The following NIM1K variants were observed in gnomAD, a reference collection of about 807,000 sequenced individuals.
The protein encoded by NIM1K is serine/threonine-protein kinase NIM1.
In NIM1K, 35 loss-of-function variants were observed where a neutral mutation model predicts 37.1. That is an observed-to-expected ratio of 0.94 (90% CI 0.72 to 1.25). The LOEUF (loss-of-function observed/expected upper bound fraction) is 1.25. Among genes scored for constraint, NIM1K ranks in the 50% most tolerant of loss-of-function variants. NIM1K has a pLI of 0.00. For missense variants in NIM1K, 564 were observed against 548.0 expected (o/e 1.03, Z -0.29); for synonymous variants, 234 against 206.6 (o/e 1.13, Z -1.14).
intron 1 of NIM1K, among the ~76,000 whole-genome samples, chr5:43,234,373 T>A (rs908369541): frequency 1.4e-4 from 18 of 129,102 alleles, no homozygotes; most frequent in Admixed American, 3.2e-4. Context: ...ACAATTATTT[T>A]AAAAATTGTA....
intron 1 of NIM1K, among the ~76,000 whole-genome samples, chr5:43,226,494 G>A (rs947779858): frequency 3.3e-5 from 5 of 152,204 alleles, no homozygotes; most frequent in African/African-American, 1.2e-4. Flanking sequence ...CAGCTAGAAG[G>A]ATGTCTTGCC....
At position 43,196,942 on chromosome 5, in the gene NIM1K, C is replaced by CTTTTT. The variant is rs774125135; in HGVS notation, c.-695+4550_-695+4554dup. 1.8e-4 allele frequency among the ~76,000 whole-genome samples: 15 copies of CTTTTT among 82,788 alleles called. 1 individual carries two copies. Among genetic ancestry groups the CTTTTT allele is most frequent in the East Asian group, 5.9e-4 (1 of 1,706 alleles). 54.3% of individuals were successfully genotyped at this position (82,788 alleles called of 152,430 possible). A position where few individuals can be genotyped will look rare whatever the true frequency, so the allele number is the denominator to read the frequency against. On this transcript the variant is annotated intron_variant, in intron 1 of 3. Transcript: ENST00000326035. ...TGCACGCTACCATGCCCATGCCCAG[C>CTTTTT]TTTTTTTTTTTTTTTTTTTTTTTGG...
chr5:43,207,237 G>A (rs2112211562), intron 1 of NIM1K: 2 of 756,616 alleles, frequency 2.6e-6, no homozygotes, highest in East Asian at 2.5e-5. Context: ...GACATCATGG[G>A]AAGTGGCAAA....
At chr5:43,232,530 A>G (rs2112244706) in intron 1 of NIM1K, 4 of 1,575,190 alleles carry the variant, frequency 2.5e-6, no homozygotes, top group East Asian at 4.5e-5. Context: ...TCAAGGTTCT[A>G]TGCCAGATAT....
intron 1 of NIM1K, chr5:43,225,628 A>G (rs1480579820): frequency 1.3e-5 from 2 of 152,936 alleles, no homozygotes; most frequent in Admixed American, 6.5e-5. Context: ...TACTAGCAAT[A>G]GGTGATTTTA....
intron 2 of NIM1K, among the ~76,000 whole-genome samples, chr5:43,247,621 G>C (rs1034315949): frequency 6.6e-6 from 1 of 152,354 alleles, no homozygotes; most frequent in African/African-American, 2.4e-5. Context: ...GATTGGTCTA[G>C]AGTGGGACTG....
chr5:43,251,819 C>T (rs539757782), intron 2 of NIM1K, among the ~76,000 whole-genome samples: 1 of 152,292 alleles, frequency 6.6e-6, no homozygotes, highest in South Asian at 2.1e-4. Flanking sequence ...CCGCCTCCAT[C>T]CCATGTGTTT....
chr5:43,279,978 A>G lies in NIM1K; in HGVS notation c.562-2A>G. The G allele has an allele frequency of 6.2e-7, 1 of 1,602,802 alleles. No homozygotes were observed. Among genetic ancestry groups the G allele is most frequent in the South Asian group, 1.1e-5 (1 of 90,490 alleles). On this transcript the variant is annotated splice_acceptor_variant, in intron 3 of 3. Coordinates refer to ENST00000326035, the MANE Select transcript of NIM1K (RefSeq NM_153361.4). LOFTEE classifies it high-confidence loss of function. ...GACTTTTCTCTATGTCTTCTTCCAC[A>G]GCATGAAAACCAAATTATTCATAGA...
At chr5:43,228,290 G>A (rs1322131009) in intron 1 of NIM1K, among the ~76,000 whole-genome samples, 1 of 151,796 alleles carries the variant, frequency 6.6e-6, no homozygotes, top group African/African-American at 2.4e-5. Context: ...GGGACTACAG[G>A]TGCCCGCCAC....
chr5:43,227,015 T>C (rs576795122), intron 1 of NIM1K, among the ~76,000 whole-genome samples: 2 of 152,198 alleles, frequency 1.3e-5, no homozygotes, highest in African/African-American at 4.8e-5. Context: ...CAGGTTCCAT[T>C]TGGGGCACAG....
intron 2 of NIM1K, among the ~76,000 whole-genome samples, chr5:43,263,995 A>G (rs533092875): frequency 8.2e-4 from 125 of 152,282 alleles, no homozygotes; most frequent in African/African-American, 2.9e-3. Context: ...ACAGTTTGTT[A>G]TAATTTCTGT....
At chr5:43,262,928 T>C (rs562450980) in intron 2 of NIM1K, among the ~76,000 whole-genome samples, 85 of 152,344 alleles carry the variant, frequency 5.6e-4, no homozygotes, top group African/African-American at 2.0e-3. Flanking sequence ...GATTTGCGTA[T>C]GTTGAATGAG....
chr5:43,275,361 A>G (rs1430688229), intron 2 of NIM1K, among the ~76,000 whole-genome samples: 1 of 152,228 alleles, frequency 6.6e-6, no homozygotes, highest in Non-Finnish European at 1.5e-5. Flanking sequence ...GCTATTCCCA[A>G]TATCACAGAA....
chr5:43,209,007 G>A (rs1023787455), intron 1 of NIM1K, among the ~76,000 whole-genome samples: 1 of 152,214 alleles, frequency 6.6e-6, no homozygotes, highest in African/African-American at 2.4e-5. Context: ...ATTGAGAAGT[G>A]CAAAGAAGGT....
intron 2 of NIM1K, among the ~76,000 whole-genome samples, chr5:43,274,535 G>A (rs930150124): frequency 2.6e-5 from 4 of 152,154 alleles, no homozygotes; most frequent in Non-Finnish European, 4.4e-5. Flanking sequence ...ATAGGTGAAG[G>A]GACTCTTAAT....
chr5:43,207,442 A>C, intron 1 of NIM1K: 2 of 815,378 alleles, frequency 2.5e-6, no homozygotes, highest in Non-Finnish European at 4.4e-6. Context: ...ATCAGGTTCT[A>C]ATAGAAGACT....
chr5:43,239,217 G>A (rs1285768866), intron 1 of NIM1K, among the ~76,000 whole-genome samples: 1 of 151,888 alleles, frequency 6.6e-6, no homozygotes, highest in Non-Finnish European at 1.5e-5. Context: ...TTTCTCTGCT[G>A]CTATCTCCTC....
At chr5:43,240,882 T>C (rs1222475740) in intron 1 of NIM1K, among the ~76,000 whole-genome samples, 1 of 151,936 alleles carries the variant, frequency 6.6e-6, no homozygotes, top group Admixed American at 6.5e-5. Flanking sequence ...TCTTCCCACC[T>C]CTTAACAGTA....
In NIM1K at chr5:43,207,385, G is replaced by A. The variant is rs547861968; in HGVS notation, c.-695+14974G>A. 2.1e-4 allele frequency: 178 copies of A among 844,312 alleles called. 1 individual carries two copies. Among genetic ancestry groups the A allele is most frequent in the Non-Finnish European group, 2.8e-4 (134 of 483,770 alleles). The allele number at this position is 844,312 out of a possible 1,614,324, so 52.3% of individuals were successfully genotyped here. A position where few individuals can be genotyped will look rare whatever the true frequency, so the allele number is the denominator to read the frequency against. ...TGATCAATAGATGAAAGAAATATATGCGAAAAACGTGTGGCGATGTCTTAG... is the reference window on the plus strand; with the variant it reads ...TGATCAATAGATGAAAGAAATATATACGAAAAACGTGTGGCGATGTCTTAG... On this transcript the variant is annotated intron_variant, in intron 1 of 3. Coordinates refer to ENST00000326035, the MANE Select transcript of NIM1K (RefSeq NM_153361.4).
Sources: gnomAD v4.1 joint callset for allele counts (sites outside exome capture counted in the v4.1 genomes callset) on GRCh38, gnomAD v4.1.1 for gene constraint, MANE v1.5 for transcripts, NCBI Gene and HGNC (gene_info 2026-07-23, HGNC 2026-07-21) for gene names.